Variants in MAP3K3 observed in about 807,000 individuals in gnomAD.
MAP3K3 encodes the protein mitogen-activated protein kinase kinase kinase 3.
Under a neutral mutation model 80.9 loss-of-function variants are expected in MAP3K3, and 12 were observed. The observed-to-expected ratio is 0.15, with a 90% CI of 0.10 to 0.24. MAP3K3 has a LOEUF of 0.24. Ranked by LOEUF, MAP3K3 falls within the 10% of genes least tolerant of loss-of-function variation. The pLI is 1.00. For missense variants in MAP3K3, 596 were observed against 834.7 expected, an observed-to-expected ratio of 0.71 and a Z score of 3.52; for synonymous variants, 272 against 307.1, an observed-to-expected ratio of 0.89 and a Z score of 1.19.
chr17:63,691,202 C>A lies in MAP3K3; in HGVS notation c.1313C>A (p.Thr438Asn), dbSNP rs61737830. ...TGTCTGCGGGACCGCGCTGAGAAGA[C>A]CCTGACCATCTTCATGGAGTACATG... ...YGCLRDRAEK[T>N]LTIFMEYMPG... The change falls in exon 13 of 16, where the codon ACC becomes AAC. Residue 438 changes from threonine to asparagine, a missense_variant. Physicochemically the swap from Thr to Asn is moderately conservative, Grantham distance 65. Coordinates refer to ENST00000361733, the MANE Select transcript of MAP3K3 (RefSeq NM_002401.5). This position sits in a 1 kb window ranked among gnomAD's most constrained non-coding sequence, Gnocchi z 4.8. 6.2e-7 allele frequency: 1 copy of A among 1,614,072 alleles called. No individual in the cohort carries two copies. Among genetic ancestry groups the A allele is most frequent in the African/African-American group, 1.3e-5 (1 of 74,954 alleles).
At position 63,688,466 on chromosome 17, in the gene MAP3K3, C is replaced by T. The variant is rs561090092; in HGVS notation, c.711-61C>T. 3.1e-5 allele frequency: 41 copies of T among 1,326,816 alleles called. No homozygotes were observed. In the Admixed American group the frequency reaches 3.9e-4, roughly 13 times the overall value. The allele number at this position is 1,326,816 out of a possible 1,614,324, so 82.2% of individuals were successfully genotyped here. ...GGGTTAGAAAGGGAGACTGCCTGGA[C>T]GCCCTGCTTGGTTGCTGTGGAAGTG... On this transcript the variant is annotated intron_variant, in intron 8 of 15. Coordinates refer to ENST00000361733, the MANE Select transcript of MAP3K3 (RefSeq NM_002401.5).
chr17:63,634,188 G>T (rs566047818), intron 2 of MAP3K3, among the ~76,000 whole-genome samples: 55 of 152,264 alleles, frequency 3.6e-4, no homozygotes, highest in Non-Finnish European at 6.0e-4. Flanking sequence ...TGTATTCAAA[G>T]CCACTTTTCG....
At chr17:63,654,134 G>A (rs2034716485) in intron 4 of MAP3K3, among the ~76,000 whole-genome samples, 1 of 152,148 alleles carries the variant, frequency 6.6e-6, no homozygotes, top group African/African-American at 2.4e-5. Flanking sequence ...CTCCCAAAGT[G>A]CTGGGATTAC....
chr17:63,627,286 C>G (rs1397237488), intron 1 of MAP3K3, among the ~76,000 whole-genome samples: 1 of 152,174 alleles, frequency 6.6e-6, no homozygotes, highest in African/African-American at 2.4e-5. Context: ...TTCCTAGATT[C>G]TTAACCTCTT....
chr17:63,686,665 A>G (rs1177873988), intron 8 of MAP3K3, among the ~76,000 whole-genome samples: 2 of 152,216 alleles, frequency 1.3e-5, no homozygotes, highest in Non-Finnish European at 2.9e-5. Context: ...CAAAAGGCCA[A>G]TAAGCACTCT....
chr17:63,691,856 A>G lies in MAP3K3; in HGVS notation c.1468A>G (p.Ile490Val). The G allele has an allele frequency of 6.2e-7, 1 of 1,613,996 alleles. No homozygotes were observed. Among genetic ancestry groups the G allele is most frequent in the African/African-American group, 1.3e-5 (1 of 75,064 alleles). ...LHSNMIVHRD[I>V]KGANILRDSA... ...CAGCAACATGATTGTTCACCGGGAC[A>G]TTAAGGGTGAGCAGGGCCAGGATAC... Residue 490 changes from isoleucine (I) to valine (V), a missense_variant, in exon 14 of 16, where the codon ATT (isoleucine) becomes GTT (valine). By Grantham distance (29) the Ile-to-Val change is conservative. Transcript: ENST00000361733. This position sits in a 1 kb window ranked among gnomAD's most constrained non-coding sequence, Gnocchi z 4.8.
At chr17:63,631,215 G>A (rs562004480) in intron 1 of MAP3K3, among the ~76,000 whole-genome samples, 134 of 152,310 alleles carry the variant, frequency 8.8e-4, no homozygotes, top group African/African-American at 3.1e-3. Context: ...GAGCCTGGGG[G>A]TGGAGGAGGC....
Position 63,622,679 on chromosome 17 carries a change from G to C in MAP3K3, c.-81G>C. The C allele has an allele frequency of 2.5e-6, 1 of 396,552 alleles. No individual in the cohort carries two copies. Among genetic ancestry groups the C allele is most frequent in the Non-Finnish European group, 5.0e-6 (1 of 199,828 alleles). The allele number at this position is 396,552 out of a possible 1,614,324, so 24.6% of individuals were successfully genotyped here. A position where few individuals can be genotyped will look rare whatever the true frequency, so the allele number is the denominator to read the frequency against. ...CGGAGCCAGGCCCGCTGCCGTCCCC[G>C]CCGCCCGGGCCCCCGGCATGCAGCC... On this transcript the variant is annotated 5_prime_UTR_variant, in exon 1 of 16. Transcript: ENST00000361733.
intron 2 of MAP3K3, chr17:63,636,603 G>T: frequency 5.4e-6 from 1 of 183,712 alleles, no homozygotes; most frequent in South Asian, 1.2e-4. Flanking sequence ...GCCTGTGGCT[G>T]AACATGCTGG....
chr17:63,635,078 T>C (rs764162783), intron 2 of MAP3K3, among the ~76,000 whole-genome samples: 10 of 152,370 alleles, frequency 6.6e-5, no homozygotes, highest in Non-Finnish European at 1.3e-4. Flanking sequence ...TAGCTACATG[T>C]GGCTGTTGAG....
chr17:63,624,630 C>T (rs993718104), intron 1 of MAP3K3, among the ~76,000 whole-genome samples: 2 of 152,222 alleles, frequency 1.3e-5, no homozygotes, highest in Non-Finnish European at 2.9e-5. Context: ...TTTGTCCCCA[C>T]ATCAGTTGTC....
chr17:63,634,772 G>A (rs903425425), intron 2 of MAP3K3: 10 of 1,614,076 alleles, frequency 6.2e-6, no homozygotes, highest in Non-Finnish European at 7.6e-6. Flanking sequence ...AAGCTCATGT[G>A]CAGGGGCCAG....
At chr17:63,656,192 T>C (rs1389037781) in intron 4 of MAP3K3, among the ~76,000 whole-genome samples, 2 of 151,992 alleles carry the variant, frequency 1.3e-5, no homozygotes, top group East Asian at 1.9e-4. Flanking sequence ...ATTGTGCCAC[T>C]GCACTCCAGC....
At position 63,663,686 on chromosome 17, in the gene MAP3K3, A is replaced by G. The variant is rs186295883; in HGVS notation, c.382-3254A>G. Among the ~76,000 whole-genome samples, 59 of 152,276 alleles carry G rather than the reference A, an allele frequency of 3.9e-4. 1 individual carries two copies. The East Asian group carries it at 0.011, about 27-fold the overall frequency. ...GAACAAAAAAGAAATAATTTGTATAACAAGTGATAAACCAGCCTGGGTAAC... is the reference window on the plus strand; with the variant it reads ...GAACAAAAAAGAAATAATTTGTATAGCAAGTGATAAACCAGCCTGGGTAAC... On this transcript the variant is annotated intron_variant, in intron 5 of 15. Coordinates refer to ENST00000361733, the MANE Select transcript of MAP3K3 (RefSeq NM_002401.5).
At chr17:63,637,106 A>G in intron 2 of MAP3K3, 1 of 389,180 alleles carries the variant, frequency 2.6e-6, no homozygotes, top group Non-Finnish European at 5.1e-6. Flanking sequence ...GCTTTCAACA[A>G]GGTCTGAAGC....
intron 3 of MAP3K3, among the ~76,000 whole-genome samples, chr17:63,649,120 C>T (rs1161419329): frequency 1.3e-5 from 2 of 152,012 alleles, no homozygotes; most frequent in Admixed American, 6.6e-5. Flanking sequence ...GTTGGTGAGA[C>T]AGAGGAACCT....
intron 12 of MAP3K3, chr17:63,690,622 G>A: frequency 1.8e-6 from 1 of 565,294 alleles, no homozygotes; most frequent in Non-Finnish European, 3.1e-6. Flanking sequence ...TTGGGTGTAA[G>A]GAACTAAGCT....
chr17:63,645,244 G>A (rs750297384), intron 2 of MAP3K3, among the ~76,000 whole-genome samples: 8 of 152,100 alleles, frequency 5.3e-5, no homozygotes, highest in Admixed American at 2.6e-4. Flanking sequence ...CGGAGGTTGC[G>A]GTGAGCCGAT....
intron 6 of MAP3K3, among the ~76,000 whole-genome samples, chr17:63,671,308 T>A (rs1387197571): frequency 6.6e-6 from 1 of 150,922 alleles, no homozygotes; most frequent in Non-Finnish European, 1.5e-5. Flanking sequence ...CAGGCCGAAG[T>A]GCAGTGGTGT....
Sources: gnomAD v4.1 joint callset for allele counts (sites outside exome capture counted in the v4.1 genomes callset) on GRCh38, gnomAD v4.1.1 for gene constraint, Gnocchi (gnomAD v3.1) non-coding constraint, MANE v1.5 for transcripts, NCBI Gene and HGNC (gene_info 2026-07-23, HGNC 2026-07-21) for gene names.